Variants in SLC30A5 observed in about 807,000 individuals in gnomAD.
SLC30A5 encodes solute carrier family 30 member 5.
Under a neutral mutation model 79.6 loss-of-function variants are expected in SLC30A5, and 33 were observed. The observed-to-expected ratio is 0.41, with a 90% CI of 0.31 to 0.55. The LOEUF (loss-of-function observed/expected upper bound fraction) is 0.55. SLC30A5 is among the 20% of genes least tolerant of loss of function. The pLI is 0.20. For synonymous variants in SLC30A5, 299 were observed against 319.7 expected (o/e 0.94, Z 0.69); for missense variants, 788 against 928.1 (o/e 0.85, Z 1.96).
At chr5:69,114,910 C>T (rs1007571889) in intron 7 of SLC30A5, among the ~76,000 whole-genome samples, 21 of 151,880 alleles carry the variant, frequency 1.4e-4, no homozygotes, top group African/African-American at 2.4e-5. Flanking sequence ...ATAACATTGC[C>T]GGCCATTTAA....
intron 14 of SLC30A5, among the ~76,000 whole-genome samples, chr5:69,126,035 G>GC (rs1746678900): frequency 6.6e-6 from 1 of 152,094 alleles, no homozygotes; most frequent in African/African-American, 2.4e-5. Flanking sequence ...GGGCAACAGA[G>GC]CAAGACTGTC....
At chr5:69,127,101 C>T (rs1446257919) in intron 14 of SLC30A5, among the ~76,000 whole-genome samples, 1 of 152,088 alleles carries the variant, frequency 6.6e-6, no homozygotes, top group Non-Finnish European at 1.5e-5. Context: ...TGCATTATTA[C>T]ATTGTATGGG....
rs186062538 is a variant in SLC30A5, at chr5:69,100,000, G to A, written c.84-807G>A. Reference sequence around the variant, plus strand: ...TTGGTTCGTTTTGAGACAGAGTCTCGCTCTGTTACCTAGGCTGAAGTGCAG... The same window carrying A: ...TTGGTTCGTTTTGAGACAGAGTCTCACTCTGTTACCTAGGCTGAAGTGCAG... On this transcript the variant is annotated intron_variant, in intron 1 of 15. Coordinates refer to ENST00000396591, the MANE Select transcript of SLC30A5 (RefSeq NM_022902.5). 3.9e-3 allele frequency among the ~76,000 whole-genome samples: 595 copies of A among 152,302 alleles called. 2 individuals are homozygous for A. Among genetic ancestry groups the A allele is most frequent in the Non-Finnish European group, 5.9e-3 (402 of 68,024 alleles).
At position 69,113,179 on chromosome 5, in the gene SLC30A5, T is replaced by G; in HGVS notation, c.487T>G (p.Leu163Val). 1 of 1,613,678 alleles carries G rather than the reference T, an allele frequency of 6.2e-7. No individual in the cohort carries two copies. Among genetic ancestry groups the G allele is most frequent in the Non-Finnish European group, 8.5e-7 (1 of 1,179,866 alleles). Residue 163 changes from leucine to valine, a missense_variant, in exon 6 of 16, where the codon TTA (leucine) becomes GTA (valine). Leu to Val is a conservative substitution (Grantham distance 32). This residue lies in a region of SLC30A5 where 626 missense variants were observed against 755.5 expected (regional missense o/e 0.83). Transcript: ENST00000396591. ...AAFFIIAVIC[L>V]LLFDNDDLMA... is the part of the protein sequence containing the mutation. ...TTTTTTCATTATTGCTGTGATCTGTTTATTGCTTTTTGACAATGATGATCT... is the reference window on the plus strand; with the variant it reads ...TTTTTTCATTATTGCTGTGATCTGTGTATTGCTTTTTGACAATGATGATCT...
chr5:69,121,671 G>A (rs570315564), intron 12 of SLC30A5, 23 bp from the exon 13 acceptor site: 1 of 1,527,678 alleles, frequency 6.5e-7, no homozygotes, highest in Non-Finnish European at 8.9e-7. Context: ...TAATTTAAAG[G>A]TTTTTTTTCT....
intron 12 of SLC30A5, 107 bp downstream of exon 12, chr5:69,118,735 T>G: frequency 1.1e-6 from 1 of 879,066 alleles, no homozygotes; most frequent in Non-Finnish European, 1.6e-6. Flanking sequence ...GTTTTATTTT[T>G]TACTTATATC....
intron 12 of SLC30A5, among the ~76,000 whole-genome samples, chr5:69,119,757 C>T (rs951826416): frequency 1.3e-5 from 2 of 152,100 alleles, no homozygotes; most frequent in South Asian, 2.1e-4. Flanking sequence ...CAGTGGCTCA[C>T]GCCTGTAATC....
chr5:69,128,249 T>A, intron 15 of SLC30A5, 117 bp downstream of exon 15: 135 of 450,022 alleles, frequency 3.0e-4, no homozygotes, highest in Middle Eastern at 7.1e-4. Flanking sequence ...ATCTTCCAAC[T>A]CTTTTTTTTT....
At chr5:69,094,420 C>A in intron 1 of SLC30A5, 82 bp downstream of exon 1, 1 of 1,227,958 alleles carries the variant, frequency 8.1e-7, no homozygotes. Flanking sequence ...TCTCCGCTGA[C>A]AGCCCGGGAC....
chr5:69,126,994 AAAAT>A (rs1746714886), intron 14 of SLC30A5, among the ~76,000 whole-genome samples: 2 of 152,138 alleles, frequency 1.3e-5, no homozygotes, highest in Admixed American at 1.3e-4. Flanking sequence ...TAAAATTTTG[AAAAT>A]AAAAATGGCA....
intron 15 of SLC30A5, among the ~76,000 whole-genome samples, chr5:69,128,705 T>G (rs534738854): frequency 6.6e-6 from 1 of 152,228 alleles, no homozygotes; most frequent in African/African-American, 2.4e-5. Flanking sequence ...TGAGTTTGAT[T>G]AATCTTGGTT....
intron 6 of SLC30A5, 41 bp downstream of exon 6, chr5:69,113,268 G>A (rs777549353): frequency 2.5e-5 from 36 of 1,447,216 alleles, no homozygotes; most frequent in Non-Finnish European, 2.9e-5. Flanking sequence ...CAAGTCTTGA[G>A]GAAAACTAGA....
chr5:69,104,818 G>A, intron 4 of SLC30A5, 102 bp downstream of exon 4: 2 of 1,200,960 alleles, frequency 1.7e-6, no homozygotes, highest in East Asian at 2.5e-5. Flanking sequence ...CTGTACAAAT[G>A]TGTCTAGCAC....
chr5:69,099,353 A>G (rs888935714), intron 1 of SLC30A5, among the ~76,000 whole-genome samples: 1 of 152,212 alleles, frequency 6.6e-6, no homozygotes, highest in Non-Finnish European at 1.5e-5. Context: ...CTATTTGAGA[A>G]TAAGTTACAT....
At chr5:69,097,255 A>G (rs1745771422) in intron 1 of SLC30A5, among the ~76,000 whole-genome samples, 2 of 151,086 alleles carry the variant, frequency 1.3e-5, no homozygotes, top group Non-Finnish European at 2.9e-5. Flanking sequence ...AGCTGGGACT[A>G]CAGACGCCCA....
At chr5:69,097,270 C>T (rs1009880269) in intron 1 of SLC30A5, among the ~76,000 whole-genome samples, 3 of 151,960 alleles carry the variant, frequency 2.0e-5, no homozygotes, top group Admixed American at 6.6e-5. Context: ...CGCCCACCAC[C>T]GCGCCGGGCT....
At chr5:69,098,230 C>G (rs1170436705) in intron 1 of SLC30A5, among the ~76,000 whole-genome samples, 1 of 152,144 alleles carries the variant, frequency 6.6e-6, no homozygotes, top group Non-Finnish European at 1.5e-5. Flanking sequence ...AGAAAATTCC[C>G]TGGTTCTCGC....
chr5:69,095,884 A>AC lies in SLC30A5; in HGVS notation c.83+1550dup, dbSNP rs1191423662. Among the ~76,000 whole-genome samples the AC allele has an allele frequency of 1.0e-3, 156 of 149,142 alleles. 1 individual carries two copies. Among genetic ancestry groups the AC allele is most frequent in the East Asian group, 4.6e-3 (23 of 5,044 alleles). ...AGACCAGCCTGGCCAACATGGTGAGACCCCATCTCTACTAAAAATACCAAA... is the reference window on the plus strand; with the variant it reads ...AGACCAGCCTGGCCAACATGGTGAGACCCCCATCTCTACTAAAAATACCAAA... On this transcript the variant is annotated intron_variant, in intron 1 of 15. Coordinates refer to ENST00000396591, the MANE Select transcript of SLC30A5 (RefSeq NM_022902.5).
chr5:69,120,105 G>A (rs164391), intron 12 of SLC30A5, among the ~76,000 whole-genome samples: 57,350 of 150,772 alleles, frequency 0.38, 11,450 homozygotes, highest in East Asian at 0.53. Context: ...CTGTCCACCA[G>A]TGAAAAAAGT....
Sources: allele counts gnomAD v4.1 joint callset (sites outside exome capture counted in the v4.1 genomes callset), GRCh38; gene constraint gnomAD v4.1.1; regional missense constraint gnomAD v4.1.1; transcripts MANE v1.5; gene names NCBI Gene and HGNC (gene_info 2026-07-23, HGNC 2026-07-21).